TAFA1: variants seen among roughly 807,000 people sequenced by gnomAD.
TAFA1 encodes the protein chemokine-like protein TAFA-1.
In TAFA1, 4 loss-of-function variants were observed where a neutral mutation model predicts 18.5. The ratio of observed to expected loss-of-function variants is 0.22; its 90% confidence interval spans 0.11 to 0.49. The LOEUF (loss-of-function observed/expected upper bound fraction) is 0.49. Ranked by LOEUF, TAFA1 falls within the 20% of genes least tolerant of loss-of-function variation. The pLI, the probability that TAFA1 is intolerant of heterozygous loss-of-function variation, is 0.98. For synonymous variants in TAFA1, 56 were observed against 55.2 expected (o/e 1.01, Z -0.06); for missense variants, 147 against 169.0 (o/e 0.87, Z 0.72).
At chr3:68,207,498 G>A (rs2066541841) in intron 2 of TAFA1, among the ~76,000 whole-genome samples, 1 of 151,862 alleles carries the variant, frequency 6.6e-6, no homozygotes, top group Non-Finnish European at 1.5e-5. Flanking sequence ...GTGATCATGA[G>A]TGTGTCATGT....
At chr3:68,020,988 C>T (rs1704675899) in intron 2 of TAFA1, among the ~76,000 whole-genome samples, 1 of 151,674 alleles carries the variant, frequency 6.6e-6, no homozygotes, top group Non-Finnish European at 1.5e-5. Context: ...GAGTTTGGGA[C>T]CAGCCTGGCC....
intron 2 of TAFA1, among the ~76,000 whole-genome samples, chr3:68,168,895 A>G (rs956352444): frequency 1.3e-5 from 2 of 152,160 alleles, no homozygotes; most frequent in African/African-American, 2.4e-5. Context: ...GAACTTTTGA[A>G]GTATATTGTC....
chr3:68,292,065 C>T (rs769868611), intron 2 of TAFA1, among the ~76,000 whole-genome samples: 2 of 152,132 alleles, frequency 1.3e-5, no homozygotes, highest in Non-Finnish European at 2.9e-5. Context: ...TCTCTCATCA[C>T]CATCTCCCCT....
intron 2 of TAFA1, among the ~76,000 whole-genome samples, chr3:68,008,444 C>T (rs1484810320): frequency 6.6e-6 from 1 of 152,200 alleles, no homozygotes; most frequent in African/African-American, 2.4e-5. Flanking sequence ...ATGTTTTAGG[C>T]AGGGCTCTGA....
At chr3:68,314,706 A>G (rs1183232286) in intron 2 of TAFA1, among the ~76,000 whole-genome samples, 1 of 152,046 alleles carries the variant, frequency 6.6e-6, no homozygotes, top group African/African-American at 2.4e-5. Context: ...GAAATCTTAA[A>G]CATTCTTTTT....
At chr3:68,540,201 T>C (rs1481990690) in intron 4 of TAFA1, among the ~76,000 whole-genome samples, 1 of 151,550 alleles carries the variant, frequency 6.6e-6, no homozygotes, top group African/African-American at 2.5e-5. Context: ...GTATCAAATT[T>C]CCTTGCCTTT....
At chr3:68,011,825 T>C (rs17140947) in intron 2 of TAFA1, among the ~76,000 whole-genome samples, 7,102 of 152,266 alleles carry the variant, frequency 0.047, 283 homozygotes, top group East Asian at 0.13. Flanking sequence ...AGAGTCAGGG[T>C]GCAGCTATTG....
intron 2 of TAFA1, among the ~76,000 whole-genome samples, chr3:68,394,757 T>C (rs1340817112): frequency 6.6e-6 from 1 of 152,146 alleles, no homozygotes; most frequent in Non-Finnish European, 1.5e-5. Context: ...TGCAGAAAAC[T>C]GAAACTGAAC....
At chr3:68,209,891 A>G (rs1044365094) in intron 2 of TAFA1, among the ~76,000 whole-genome samples, 1 of 152,018 alleles carries the variant, frequency 6.6e-6, no homozygotes, top group East Asian at 1.9e-4. Context: ...TCAAATCTAT[A>G]GATGTGGAGC....
intron 3 of TAFA1, among the ~76,000 whole-genome samples, chr3:68,467,411 G>A (rs2071909656): frequency 6.6e-6 from 1 of 152,118 alleles, no homozygotes; most frequent in African/African-American, 2.4e-5. Context: ...CCTCCATTTG[G>A]GGTCCCTGAC....
At position 68,538,805 on chromosome 3, in the gene TAFA1, A is replaced by G. The variant is rs1323533518; in HGVS notation, c.309A>G (p.Glu103=). The change falls in exon 4 of 5, where the codon GAA becomes GAG. Residue 103 remains glutamate (E), a synonymous_variant. Transcript: ENST00000478136. The stretch of plus-strand genomic sequence containing the variant: ...GGTGTGAGATGGAGCCTTGCCTAGA[A>G]GGAGAAGAATGTAAGACACTCCCTG... ...KWWCEMEPCL[E]GEECKTLPDN... 10 of 1,613,614 alleles carry G rather than the reference A, an allele frequency of 6.2e-6. No individual in the cohort carries two copies. Among genetic ancestry groups the G allele is most frequent in the Non-Finnish European group, 8.5e-6 (10 of 1,179,662 alleles).
At chr3:68,065,765 T>C (rs73834810) in intron 2 of TAFA1, among the ~76,000 whole-genome samples, 1,269 of 60,046 alleles carry the variant, frequency 0.021, 7 homozygotes, top group Admixed American at 0.027. Flanking sequence ...TATATATATA[T>C]ACACACACAT....
intron 2 of TAFA1, among the ~76,000 whole-genome samples, chr3:68,114,899 A>G (rs1262745370): frequency 6.6e-6 from 1 of 152,236 alleles, no homozygotes; most frequent in African/African-American, 2.4e-5. Context: ...TTTCACTCAC[A>G]TGGTGAATAT....
intron 2 of TAFA1, among the ~76,000 whole-genome samples, chr3:68,119,798 A>G (rs1009967674): frequency 8.5e-5 from 13 of 152,330 alleles, no homozygotes; most frequent in African/African-American, 3.1e-4. Context: ...GTTTGAAACT[A>G]GGAAGTGTGG....
At chr3:68,331,279 A>G (rs1348900928) in intron 2 of TAFA1, among the ~76,000 whole-genome samples, 4 of 152,218 alleles carry the variant, frequency 2.6e-5, no homozygotes, top group Non-Finnish European at 5.9e-5. Context: ...TGCTAGGGTT[A>G]TGGGGAGACA....
Position 68,141,213 on chromosome 3 carries a change from C to T in TAFA1, c.118+134469C>T, listed in dbSNP as rs1267484724. On this transcript the variant is annotated intron_variant, in intron 2 of 4. Transcript: ENST00000478136. ...GTGAGAATCTACTTTTCTCATGTAG[C>T]CAAACTGCTGCACAAGAAATAAGCA... 2.0e-5 allele frequency among the ~76,000 whole-genome samples: 3 copies of T among 152,222 alleles called. No individual in the cohort carries two copies. The South Asian group carries it at 6.2e-4, about 32-fold the overall frequency.
intron 2 of TAFA1, among the ~76,000 whole-genome samples, chr3:68,110,551 G>A (rs575946360): frequency 1.1e-4 from 16 of 152,194 alleles, no homozygotes; most frequent in South Asian, 4.2e-4. Flanking sequence ...TCAAAGAATC[G>A]TATGTGGTTA....
At chr3:68,051,475 G>C (rs1453680745) in intron 2 of TAFA1, among the ~76,000 whole-genome samples, 1 of 152,082 alleles carries the variant, frequency 6.6e-6, no homozygotes, top group East Asian at 1.9e-4. Flanking sequence ...GAGGTTCTTT[G>C]GATTGTCCTA....
chr3:68,439,366 G>A (rs1017385909), intron 3 of TAFA1, among the ~76,000 whole-genome samples: 2 of 144,310 alleles, frequency 1.4e-5, no homozygotes, highest in Non-Finnish European at 3.0e-5. Context: ...AGCTGTATTA[G>A]TCAGGGTTCT....
Sources: gnomAD v4.1 joint callset for allele counts (sites outside exome capture counted in the v4.1 genomes callset) on GRCh38, gnomAD v4.1.1 for gene constraint, MANE v1.5 for transcripts, NCBI Gene and HGNC (gene_info 2026-07-23, HGNC 2026-07-21) for gene names.